Variants in ZIM2 observed in about 807,000 individuals in gnomAD.
ZIM2 encodes the protein zinc finger imprinted 2, also known as zinc finger protein 656.
A neutral mutation model predicts 38.6 loss-of-function variants in ZIM2; 14 were observed. That is an observed-to-expected ratio of 0.36 (90% CI 0.24 to 0.57). The LOEUF (loss-of-function observed/expected upper bound fraction) is 0.57, where lower values mean the gene tolerates loss of function less well. ZIM2 is among the 20% of genes least tolerant of loss of function. The pLI is 0.81. For synonymous variants in ZIM2, 247 were observed against 245.8 expected, an observed-to-expected ratio of 1.00 and a Z score of -0.04; for missense variants, 680 against 695.1, an observed-to-expected ratio of 0.98 and a Z score of 0.24.
intron 2 of ZIM2, among the ~76,000 whole-genome samples, chr19:56,829,703 G>A (rs114037662): frequency 4.6e-5 from 7 of 152,182 alleles, no homozygotes; most frequent in Non-Finnish European, 5.9e-5. Flanking sequence ...GATTCAACCC[G>A]TCCTCTACTT....
At chr19:56,840,147 G>A (rs930669695) in intron 1 of ZIM2, among the ~76,000 whole-genome samples, 44 of 152,312 alleles carry the variant, frequency 2.9e-4, no homozygotes, top group African/African-American at 1.0e-3. Context: ...CCCGAGAGCC[G>A]CATTCCGCCG....
At chr19:56,796,988 T>G (rs2047263951) in intron 9 of ZIM2, among the ~76,000 whole-genome samples, 1 of 151,852 alleles carries the variant, frequency 6.6e-6, no homozygotes, top group South Asian at 2.1e-4. Flanking sequence ...CATGACAAAA[T>G]TTATTATTCT....
At chr19:56,824,020 T>C (rs1342989165) in intron 4 of ZIM2, among the ~76,000 whole-genome samples, 1 of 152,140 alleles carries the variant, frequency 6.6e-6, no homozygotes, top group Admixed American at 6.5e-5. Context: ...CTCAGGATGG[T>C]GGTTCTGCAC....
rs950657699 is a variant in ZIM2, at chr19:56,810,073, T to G, written c.490+7673A>C. ...CAAAAACAAAACAGACAAAAGAGAC[T>G]GAGAAATATTTATTTTTAACTTTAT... On this transcript the variant is annotated intron_variant, in intron 9 of 12. Coordinates refer to ENST00000629319, the MANE Select transcript of ZIM2 (RefSeq NM_001387356.1). The G allele has an allele frequency of 5.3e-6, 4 of 748,806 alleles. No homozygotes were observed. In the African/African-American group the frequency reaches 7.6e-5, roughly 14 times the overall value. The allele number at this position is 748,806 out of a possible 1,614,324, so 46.4% of individuals were successfully genotyped here. A position where few individuals can be genotyped will look rare whatever the true frequency, so the allele number is the denominator to read the frequency against.
chr19:56,823,949 A>C (rs1166954013), intron 4 of ZIM2, among the ~76,000 whole-genome samples: 1 of 151,930 alleles, frequency 6.6e-6, no homozygotes, highest in Non-Finnish European at 1.5e-5. Context: ...CCACACCAAA[A>C]AGGCAGGAGC....
chr19:56,814,677 C>G lies in ZIM2; in HGVS notation c.490+3069G>C, dbSNP rs1363102837. 6.2e-7 allele frequency: 1 copy of G among 1,614,104 alleles called. No homozygotes were observed. Among genetic ancestry groups the G allele is most frequent in the Non-Finnish European group, 8.5e-7 (1 of 1,179,994 alleles). On this transcript the variant is annotated intron_variant, in intron 9 of 12. Transcript: ENST00000629319. The surrounding 1 kb of genome is among the most constrained non-coding windows in gnomAD (Gnocchi z 5.8). ...TGATAGCTTCCTCAGCCATCTGGCT[C>G]TGCTCCAGTAAATCATCTTCCCTAT... is the stretch of plus-strand genomic sequence containing the variant.
intron 9 of ZIM2, among the ~76,000 whole-genome samples, chr19:56,809,504 T>G (rs2047954515): frequency 6.6e-6 from 1 of 152,148 alleles, no homozygotes; most frequent in Non-Finnish European, 1.5e-5. Flanking sequence ...GTTGAAAAGC[T>G]CTGATCATTA....
intron 9 of ZIM2, chr19:56,816,319 G>T: frequency 6.2e-7 from 1 of 1,614,142 alleles, no homozygotes; most frequent in Non-Finnish European, 8.5e-7. Context: ...GTTCTTTCGA[G>T]AATGAATTTT....
At chr19:56,787,690 G>A (rs2046684081) in intron 10 of ZIM2, among the ~76,000 whole-genome samples, 1 of 146,254 alleles carries the variant, frequency 6.8e-6, no homozygotes, top group Non-Finnish European at 1.5e-5. Flanking sequence ...GAATTCGGCT[G>A]TCAATCTGTC....
intron 1 of ZIM2, among the ~76,000 whole-genome samples, chr19:56,836,599 C>T (rs2062133947): frequency 6.6e-6 from 1 of 152,110 alleles, no homozygotes; most frequent in Non-Finnish European, 1.5e-5. Flanking sequence ...GGGGGAAGGA[C>T]CTTCATGATT....
At chr19:56,813,219 AAAG>A (rs2059660424) in intron 9 of ZIM2, 3 of 981,156 alleles carry the variant, frequency 3.1e-6, no homozygotes, top group African/African-American at 1.8e-5. Flanking sequence ...AAAAAAATTC[AAAG>A]AATACCAGGT....
chr19:56,834,113 T>C (rs1211404883), intron 2 of ZIM2, among the ~76,000 whole-genome samples: 3 of 152,202 alleles, frequency 2.0e-5, no homozygotes, highest in Admixed American at 6.5e-5. Flanking sequence ...TCCAGAACAG[T>C]ATGAGTTATT....
At chr19:56,781,843 T>G in intron 11 of ZIM2, 110 bp downstream of exon 11, 2 of 1,383,492 alleles carry the variant, frequency 1.4e-6, no homozygotes, top group Non-Finnish European at 2.0e-6. Flanking sequence ...TGACCTGGGT[T>G]GAGACTCACT....
intron 2 of ZIM2, among the ~76,000 whole-genome samples, chr19:56,829,943 T>C (rs1451052063): frequency 1.3e-5 from 2 of 152,174 alleles, no homozygotes; most frequent in African/African-American, 2.4e-5. Flanking sequence ...AGAAGATACG[T>C]GTTTGCAGGT....
At chr19:56,806,899 G>A (rs1319857873) in intron 9 of ZIM2, among the ~76,000 whole-genome samples, 7 of 152,170 alleles carry the variant, frequency 4.6e-5, no homozygotes, top group Admixed American at 4.6e-4. Context: ...ATATTTGCTG[G>A]CACCTTGATC....
At chr19:56,817,097 C>T in intron 9 of ZIM2, 1 of 1,614,112 alleles carries the variant, frequency 6.2e-7, no homozygotes, top group Non-Finnish European at 8.5e-7. Flanking sequence ...TATGGCATTG[C>T]CCCAAAATCA....
At chr19:56,816,655 T>A in intron 9 of ZIM2, 1 of 1,612,368 alleles carries the variant, frequency 6.2e-7, no homozygotes, top group Non-Finnish European at 8.5e-7. Context: ...TTCACGTTCA[T>A]GTTCACGCTC....
chr19:56,815,294 G>A (rs767625502), intron 9 of ZIM2: 1 of 1,614,206 alleles, frequency 6.2e-7, no homozygotes, highest in Non-Finnish European at 8.5e-7. Context: ...TAGATTTTCT[G>A]GTTTGTGTTG....
At chr19:56,798,112 T>C (rs2047321586) in intron 9 of ZIM2, 1 of 152,182 alleles carries the variant, frequency 6.6e-6, no homozygotes, top group African/African-American at 2.4e-5. Context: ...AAAAGAAGTT[T>C]TTACAATCAA....
Sources: allele counts gnomAD v4.1 joint callset (sites outside exome capture counted in the v4.1 genomes callset), GRCh38; gene constraint gnomAD v4.1.1; non-coding constraint Gnocchi (gnomAD v3.1); transcripts MANE v1.5; gene names NCBI Gene and HGNC (gene_info 2026-07-23, HGNC 2026-07-21).